The following SYNE2 variants were observed in gnomAD, a reference collection of about 807,000 sequenced individuals.
SYNE2 encodes spectrin repeat containing nuclear envelope protein 2.
SYNE2 carries 431 observed loss-of-function variants against 856.3 expected under a neutral mutation model. The ratio of observed to expected loss-of-function variants is 0.50; its 90% CI spans 0.47 to 0.55. The LOEUF is 0.55. SYNE2 is among the 20% of genes least tolerant of loss of function. SYNE2 has a pLI of 0.00. For missense variants in SYNE2, 8,129 were observed against 8,023.2 expected, an observed-to-expected ratio of 1.01 and a Z score of -0.50; for synonymous variants, 2,923 against 2,872.3, an observed-to-expected ratio of 1.02 and a Z score of -0.56.
rs534086306 is a variant in SYNE2, at chr14:63,820,073, A to C, written c.-304-32428A>C. On this transcript the variant is annotated intron_variant, in intron 1 of 23. Transcript: ENST00000674003. ...ATGAGCCAAAAAAAGACCATAACTA[A>C]ATAACTGAAGACCATAACATTTATA... 3.2e-4 allele frequency among the ~76,000 whole-genome samples: 48 copies of C among 152,292 alleles called. 1 individual carries two copies. In the South Asian group the frequency reaches 3.9e-3, roughly 13 times the overall value.
intron 29 of SYNE2, 37 bp from the exon 30 acceptor site, chr14:64,002,683 C>A: frequency 1.2e-6 from 2 of 1,600,382 alleles, no homozygotes; most frequent in Non-Finnish European, 1.7e-6. Context: ...TTCTTTTTTC[C>A]ACCTCAGTGT....
At chr14:64,117,886 G>A (rs536473627) in intron 66 of SYNE2, among the ~76,000 whole-genome samples, 4 of 152,324 alleles carry the variant, frequency 2.6e-5, no homozygotes, top group African/African-American at 9.6e-5. Flanking sequence ...GGGCGGGATG[G>A]AGCAGGATGG....
At position 64,025,188 on chromosome 14, in the gene SYNE2, G is replaced by T; in HGVS notation, c.6019G>T (p.Glu2007Ter). The T allele has an allele frequency of 6.2e-7, 1 of 1,614,076 alleles. No homozygotes were observed. Residue 2007 changes from glutamate (E) to a stop codon, truncating the protein, a stop_gained, in exon 41 of 116, where the codon GAA (glutamate) becomes TAA (stop). Transcript: ENST00000555002. LOFTEE classifies it high-confidence loss of function. Reference sequence around the variant, plus strand: ...CTCTTTGAAGGAATATGGGTTTACTGAAGAAGAAGAAATAATAATGGAAGC... The same window carrying T: ...CTCTTTGAAGGAATATGGGTTTACTTAAGAAGAAGAAATAATAATGGAAGC... The part of the protein sequence containing the change: ...NNSLKEYGFT[E>*]EEEIIMEATC...
At position 64,225,792 on chromosome 14, in the gene SYNE2, A is replaced by G. The variant is rs1302356410; in HGVS notation, c.*266A>G. On this transcript the variant is annotated 3_prime_UTR_variant, in exon 116 of 116. Coordinates refer to ENST00000555002, the MANE Select transcript of SYNE2 (RefSeq NM_182914.3). Reference sequence around the variant, plus strand: ...TAGTTTAGGGATCTCTGGAAATGTCAGTTTCCTGAAGAGCCAAGCACTTTG... The same window carrying G: ...TAGTTTAGGGATCTCTGGAAATGTCGGTTTCCTGAAGAGCCAAGCACTTTG... 3 of 594,644 alleles carry G rather than the reference A, an allele frequency of 5.0e-6. No individual in the cohort carries two copies. The highest frequency in any genetic ancestry group is 3.7e-5 in the African/African-American group (2 of 53,802). The allele number at this position is 594,644 out of a possible 1,614,324, so 36.8% of individuals were successfully genotyped here. A position where few individuals can be genotyped will look rare whatever the true frequency, so the allele number is the denominator to read the frequency against.
At chr14:64,082,981 G>C (rs1595396437) in intron 57 of SYNE2, among the ~76,000 whole-genome samples, 1 of 152,264 alleles carries the variant, frequency 6.6e-6, no homozygotes, top group Admixed American at 6.5e-5. Flanking sequence ...GCGCAGGTGT[G>C]TTTCCCTTCT....
At chr14:63,840,406 C>T (rs1201200462) in intron 1 of SYNE2, among the ~76,000 whole-genome samples, 1 of 87,280 alleles carries the variant, frequency 1.1e-5, no homozygotes, top group Admixed American at 1.3e-4. Flanking sequence ...TCCTTTCCTT[C>T]CTTCCTTCCT....
At chr14:63,841,167 C>T (rs547055857) in intron 1 of SYNE2, among the ~76,000 whole-genome samples, 1 of 152,266 alleles carries the variant, frequency 6.6e-6, no homozygotes, top group East Asian at 1.9e-4. Flanking sequence ...AGAGCAGATA[C>T]TCCACAGCTG....
chr14:64,140,156 C>T, intron 80 of SYNE2, 83 bp downstream of exon 80: 1 of 1,393,848 alleles, frequency 7.2e-7, no homozygotes, highest in Non-Finnish European at 1.0e-6. Flanking sequence ...ATGTGATAGT[C>T]TTCGTATTTA....
At chr14:63,905,381 G>A (rs140193154) in intron 1 of SYNE2, among the ~76,000 whole-genome samples, 47 of 150,854 alleles carry the variant, frequency 3.1e-4, no homozygotes, top group African/African-American at 1.1e-3. Flanking sequence ...CATTGAATTT[G>A]TAAATTGCTT....
In SYNE2 at chr14:64,225,439, A is replaced by C. The variant is rs745665818; in HGVS notation, c.20637A>C (p.Glu6879Asp). ...TGGCCTGCCTGCTGCCCTCCTCCGA[A>C]GAAGACTACAGCTGCACTCAGGCCA... ...LLLACLLPSSEEDYSCTQANN... is the reference protein window; with the variant it reads ...LLLACLLPSSDEDYSCTQANN... The change falls in exon 116 of 116, where the codon GAA becomes GAC. Residue 6879 changes from glutamate (E) to aspartate (D), a missense_variant. Coordinates refer to ENST00000555002, the MANE Select transcript of SYNE2 (RefSeq NM_182914.3). 1.9e-6 allele frequency: 3 copies of C among 1,612,940 alleles called. No homozygotes were observed. The highest frequency in any genetic ancestry group is 2.7e-5 in the African/African-American group (2 of 74,892).
At chr14:63,862,612 G>A (rs566798473) in intron 1 of SYNE2, among the ~76,000 whole-genome samples, 10 of 152,232 alleles carry the variant, frequency 6.6e-5, no homozygotes, top group Non-Finnish European at 1.0e-4. Context: ...TTAGCAATAT[G>A]TGCATTATAC....
rs773488742 is a variant in SYNE2, at chr14:64,150,291, CAAAAAAAAAAAA to C, written c.15640-2254_15640-2243del. Among the ~76,000 whole-genome samples the C allele has an allele frequency of 1.4e-3, 49 of 35,634 alleles. 1 individual carries two copies. The highest frequency in any genetic ancestry group is 9.4e-3 in the South Asian group (6 of 640). The allele number at this position is 35,634 out of a possible 152,430, so 23.4% of individuals were successfully genotyped here. Reference sequence around the variant, plus strand: ...TGGGTGACAGAGCAAGATTCTCTCTCAAAAAAAAAAAAAAAAAAAAAAAAAAAAAAGGATCCT... The same window carrying C: ...TGGGTGACAGAGCAAGATTCTCTCTCAAAAAAAAAAAAAAAAAAGGATCCT... On this transcript the variant is annotated intron_variant, in intron 84 of 115. Coordinates refer to ENST00000555002, the MANE Select transcript of SYNE2 (RefSeq NM_182914.3).
intron 31 of SYNE2, among the ~76,000 whole-genome samples, chr14:64,007,592 A>C (rs778917535): frequency 2.0e-5 from 3 of 152,162 alleles, no homozygotes; most frequent in Non-Finnish European, 4.4e-5. Context: ...AAGTGGTAAA[A>C]TAGGCTGCGT....
At chr14:63,937,449 A>C (rs1256607194) in intron 2 of SYNE2, among the ~76,000 whole-genome samples, 1 of 152,212 alleles carries the variant, frequency 6.6e-6, no homozygotes, top group Non-Finnish European at 1.5e-5. Context: ...ATAGTGTACA[A>C]GTGAAAGGAT....
chr14:63,887,138 G>T (rs2095007951), intron 1 of SYNE2, among the ~76,000 whole-genome samples: 1 of 152,086 alleles, frequency 6.6e-6, no homozygotes, highest in African/African-American at 2.4e-5. Context: ...AAAATTAGCT[G>T]GGCGTAGTGG....
upstream of SYNE2, among the ~76,000 whole-genome samples, chr14:63,761,788 G>C (rs574184622): frequency 3.3e-5 from 5 of 152,332 alleles, no homozygotes; most frequent in Admixed American, 3.3e-4. Flanking sequence ...TGTATTTTGG[G>C]ATAGCACGTC....
At chr14:63,887,840 C>A (rs910969432) in intron 1 of SYNE2, among the ~76,000 whole-genome samples, 10 of 150,472 alleles carry the variant, frequency 6.6e-5, no homozygotes, top group Non-Finnish European at 1.0e-4. Context: ...ACAGCTTCCG[C>A]CTCCTGGGTT....
chr14:64,033,987 TGTATGTAATATTAGA>T (rs1253370296), intron 45 of SYNE2, among the ~76,000 whole-genome samples: 1 of 152,244 alleles, frequency 6.6e-6, no homozygotes, highest in Non-Finnish European at 1.5e-5. Context: ...TGTATTTTCT[TGTATGTAATATTAGA>T]GTATGTAATA....
Position 63,909,223 on chromosome 14 carries a change from G to A in SYNE2, c.75G>A (p.Leu25=). The A allele has an allele frequency of 6.2e-7, 1 of 1,610,696 alleles. No individual in the cohort carries two copies. Among genetic ancestry groups the A allele is most frequent in the Non-Finnish European group, 8.5e-7 (1 of 1,177,698 alleles). ...GCATCGACGATCTCCATATTTCATT[G>A]CAAGGTAATTAAGATTGGGTGGGGG... is the stretch of plus-strand genomic sequence containing the variant. ...SWGIDDLHIS[L]QAEQEDTQKK... The change falls in exon 2 of 116, where the codon TTG becomes TTA. Residue 25 remains leucine, a synonymous_variant. Coordinates refer to ENST00000555002, the MANE Select transcript of SYNE2 (RefSeq NM_182914.3).
Sources: allele counts gnomAD v4.1 joint callset (sites outside exome capture counted in the v4.1 genomes callset), GRCh38; gene constraint gnomAD v4.1.1; transcripts MANE v1.5; gene names NCBI Gene and HGNC (gene_info 2026-07-23, HGNC 2026-07-21).